CD80: variants seen among roughly 807,000 people sequenced by gnomAD.
CD80 encodes T-lymphocyte activation antigen CD80.
Under a neutral mutation model 27.1 loss-of-function variants are expected in CD80, and 13 were observed. The ratio of observed to expected loss-of-function variants is 0.48; its 90% CI spans 0.31 to 0.76. The LOEUF (loss-of-function observed/expected upper bound fraction) is 0.76. Among genes scored for constraint, CD80 ranks in the 30% least tolerant of loss-of-function variants. The pLI, the probability that CD80 is intolerant of heterozygous loss-of-function variation, is 0.04. For missense variants in CD80, 277 were observed against 347.9 expected, an observed-to-expected ratio of 0.80 and a Z score of 1.62; for synonymous variants, 125 against 125.5, an observed-to-expected ratio of 1.00 and a Z score of 0.03.
At chr3:119,554,174 GTGA>G (rs1247509381) in intron 2 of CD80, among the ~76,000 whole-genome samples, 2 of 152,186 alleles carry the variant, frequency 1.3e-5, no homozygotes, top group Non-Finnish European at 2.9e-5. Context: ...TGTTGTCAGG[GTGA>G]TGATGGCAAC....
intron 2 of CD80, among the ~76,000 whole-genome samples, chr3:119,545,658 G>A (rs767102205): frequency 9.9e-5 from 15 of 151,998 alleles, no homozygotes; most frequent in Non-Finnish European, 1.6e-4. Flanking sequence ...GTTCATTCAC[G>A]TTGTAGCATA....
intron 5 of CD80, among the ~76,000 whole-genome samples, 169 bp downstream of exon 5, chr3:119,529,673 G>A (rs1340614692): frequency 6.6e-6 from 1 of 152,166 alleles, no homozygotes; most frequent in African/African-American, 2.4e-5. Context: ...AAAATGTCCA[G>A]TGAATGAACA....
At chr3:119,526,007 T>C (rs1240714110) in intron 6 of CD80, among the ~76,000 whole-genome samples, 1 of 151,958 alleles carries the variant, frequency 6.6e-6, no homozygotes, top group Admixed American at 6.6e-5. Flanking sequence ...CTGAAGAATA[T>C]GAAGGGAAAG....
chr3:119,534,810 T>G (rs889013137), intron 4 of CD80, among the ~76,000 whole-genome samples: 1 of 152,214 alleles, frequency 6.6e-6, no homozygotes, highest in Non-Finnish European at 1.5e-5. Context: ...CTGAGACTGG[T>G]AAGTTTGGAG....
In CD80 at chr3:119,526,319, T is replaced by C. The variant is rs147476841; in HGVS notation, c.*39-570A>G. Among the ~76,000 whole-genome samples, 213 of 152,200 alleles carry C rather than the reference T, an allele frequency of 1.4e-3. 2 individuals carry two copies. The highest frequency in any genetic ancestry group is 0.013 in the Admixed American group (193 of 15,274). On this transcript the variant is annotated intron_variant, in intron 6 of 6. Coordinates refer to ENST00000264246, the MANE Select transcript of CD80 (RefSeq NM_005191.4). Reference sequence around the variant, plus strand: ...ACCACAGAAGGCCTTGTGTAGAAGATTGGGTACACGGCTTCATTTTGAAGT... The same window carrying C: ...ACCACAGAAGGCCTTGTGTAGAAGACTGGGTACACGGCTTCATTTTGAAGT...
Position 119,533,550 on chromosome 3 carries a change from G to A in CD80, c.700+3587C>T, listed in dbSNP as rs116436014. 5.9e-3 allele frequency among the ~76,000 whole-genome samples: 901 copies of A among 152,158 alleles called. 8 individuals are homozygous for A. Among genetic ancestry groups the A allele is most frequent in the Non-Finnish European group, 0.011 (751 of 67,992 alleles). On this transcript the variant is annotated intron_variant, in intron 4 of 6. Transcript: ENST00000264246. ...TGGGAGGTGACTGAATTATGGGGGC[G>A]AGTCTTTCCTGCACTGTCCTTGTGA...
At chr3:119,526,158 G>A (rs148347455) in intron 6 of CD80, among the ~76,000 whole-genome samples, 126 of 152,176 alleles carry the variant, frequency 8.3e-4, no homozygotes, top group African/African-American at 2.3e-3. Flanking sequence ...GGGGCTCTCA[G>A]GCATGGTTGC....
intron 2 of CD80, among the ~76,000 whole-genome samples, chr3:119,555,557 G>C (rs536691460): frequency 6.6e-6 from 1 of 152,194 alleles, no homozygotes; most frequent in Non-Finnish European, 1.5e-5. Flanking sequence ...TGCAGGGTCC[G>C]GTTCTTGCTC....
intron 2 of CD80, among the ~76,000 whole-genome samples, chr3:119,554,909 C>T (rs550629970): frequency 6.6e-6 from 1 of 152,300 alleles, no homozygotes; most frequent in East Asian, 1.9e-4. Context: ...AGGTTTTGCA[C>T]AGTCACTGTG....
intron 3 of CD80, among the ~76,000 whole-genome samples, chr3:119,542,953 C>CA (rs1302176523): frequency 3.9e-5 from 6 of 152,166 alleles, no homozygotes; most frequent in Admixed American, 3.3e-4. Flanking sequence ...GATCAGCTGG[C>CA]ACCACCCAGA....
intron 2 of CD80, among the ~76,000 whole-genome samples, chr3:119,550,914 T>C (rs2082227746): frequency 6.6e-6 from 1 of 152,208 alleles, no homozygotes; most frequent in South Asian, 2.1e-4. Context: ...TGACTCTCCT[T>C]GAACAGCGCC....
intron 5 of CD80, among the ~76,000 whole-genome samples, chr3:119,528,194 G>A (rs1453215133): frequency 6.6e-6 from 1 of 152,118 alleles, no homozygotes; most frequent in African/African-American, 2.4e-5. Context: ...TGAATTAAAG[G>A]GGTAACACTG....
chr3:119,552,283 C>T (rs1346076651), intron 2 of CD80, among the ~76,000 whole-genome samples: 1 of 151,826 alleles, frequency 6.6e-6, no homozygotes, highest in Non-Finnish European at 1.5e-5. Flanking sequence ...GCTCGAAGAT[C>T]ATCCTGGCTA....
chr3:119,555,413 A>G (rs1169585833), intron 2 of CD80, among the ~76,000 whole-genome samples: 1 of 152,252 alleles, frequency 6.6e-6, no homozygotes, highest in Non-Finnish European at 1.5e-5. Context: ...AGAAACTGCA[A>G]TTTAGCAAAA....
At chr3:119,533,948 C>A (rs1414562773) in intron 4 of CD80, among the ~76,000 whole-genome samples, 1 of 152,158 alleles carries the variant, frequency 6.6e-6, no homozygotes, top group African/African-American at 2.4e-5. Context: ...TCTAAAGAAT[C>A]CCCACACAGT....
intron 3 of CD80, among the ~76,000 whole-genome samples, chr3:119,542,749 A>G (rs1420568928): frequency 6.6e-6 from 1 of 152,220 alleles, no homozygotes; most frequent in Admixed American, 6.5e-5. Flanking sequence ...TTAAACAAAG[A>G]TGGTAACAGC....
intron 4 of CD80, among the ~76,000 whole-genome samples, chr3:119,531,439 G>T (rs1456364014): frequency 1.3e-5 from 2 of 152,144 alleles, no homozygotes; most frequent in South Asian, 2.1e-4. Flanking sequence ...ATAGCCTTTT[G>T]TCCCATATTT....
At chr3:119,539,551 C>A (rs528444328) in intron 3 of CD80, among the ~76,000 whole-genome samples, 1 of 152,036 alleles carries the variant, frequency 6.6e-6, no homozygotes, top group Non-Finnish European at 1.5e-5. Context: ...GACAGGAAGG[C>A]CTTCCTAGCA....
intron 5 of CD80, 118 bp downstream of exon 5, chr3:119,529,724 T>C: frequency 1.5e-6 from 1 of 684,782 alleles, no homozygotes; most frequent in Non-Finnish European, 2.6e-6. Flanking sequence ...CATGTTTCCA[T>C]AGGCTTGCTG....
Sources: gnomAD v4.1 joint callset for allele counts (sites outside exome capture counted in the v4.1 genomes callset) on GRCh38, gnomAD v4.1.1 for gene constraint, MANE v1.5 for transcripts, NCBI Gene and HGNC (gene_info 2026-07-23, HGNC 2026-07-21) for gene names.